The following EDAR variants were observed in gnomAD, a reference collection of about 807,000 sequenced individuals.
EDAR encodes ectodysplasin A receptor.
A neutral mutation model predicts 51.3 loss-of-function variants in EDAR; 38 were observed. The observed-to-expected ratio is 0.74, with a 90% CI of 0.57 to 0.97. The LOEUF (loss-of-function observed/expected upper bound fraction) is 0.97, where lower values mean the gene tolerates loss of function less well. EDAR is among the 50% of genes least tolerant of loss of function. The probability of loss-of-function intolerance (pLI) is 0.00; values close to 1 mark genes in which losing one functional copy is unlikely to be tolerated. For synonymous variants in EDAR, 227 were observed against 242.1 expected, an observed-to-expected ratio of 0.94 and a Z score of 0.58; for missense variants, 528 against 595.0, an observed-to-expected ratio of 0.89 and a Z score of 1.17.
At chr2:108,973,038 C>A (rs1458355893) in intron 1 of EDAR, among the ~76,000 whole-genome samples, 2 of 151,974 alleles carry the variant, frequency 1.3e-5, no homozygotes, top group East Asian at 3.9e-4. Flanking sequence ...CCAGGCTAGA[C>A]TGCAGTGGCG....
chr2:108,933,992 A>G (rs1465121657), intron 1 of EDAR, among the ~76,000 whole-genome samples: 3 of 152,100 alleles, frequency 2.0e-5, no homozygotes, highest in African/African-American at 7.2e-5. Flanking sequence ...AACCATATGA[A>G]TGGTTTCTAA....
chr2:108,928,848 G>C (rs1697307251), intron 4 of EDAR, among the ~76,000 whole-genome samples: 1 of 152,220 alleles, frequency 6.6e-6, no homozygotes. Context: ...TACTAAAAAT[G>C]CTGCTTTTGC....
chr2:108,976,553 C>T (rs1008340902), intron 1 of EDAR, among the ~76,000 whole-genome samples: 3 of 152,190 alleles, frequency 2.0e-5, no homozygotes, highest in African/African-American at 7.2e-5. Context: ...TTAACCTCCT[C>T]AAGGGCACAG....
chr2:108,942,623 G>C (rs1190698072), intron 1 of EDAR, among the ~76,000 whole-genome samples: 1 of 152,254 alleles, frequency 6.6e-6, no homozygotes, highest in Non-Finnish European at 1.5e-5. Context: ...TGAGGCGGGC[G>C]GTTCCGCCAC....
chr2:108,915,883 G>A (rs1697018166), intron 5 of EDAR, among the ~76,000 whole-genome samples: 1 of 151,640 alleles, frequency 6.6e-6, no homozygotes, highest in Non-Finnish European at 1.5e-5. Flanking sequence ...GGCAACAAGA[G>A]CGAAACTCCA....
intron 1 of EDAR, among the ~76,000 whole-genome samples, chr2:108,970,269 A>C (rs1698212427): frequency 1.3e-5 from 2 of 152,176 alleles, no homozygotes; most frequent in South Asian, 4.1e-4. Context: ...GAGTTAAAGA[A>C]GCTTCTTTAC....
intron 5 of EDAR, among the ~76,000 whole-genome samples, chr2:108,918,055 T>A (rs1287699951): frequency 1.3e-5 from 2 of 151,996 alleles, no homozygotes; most frequent in Middle Eastern, 3.2e-3. Flanking sequence ...TGAATGCACG[T>A]GATGTCTAAA....
intron 1 of EDAR, among the ~76,000 whole-genome samples, chr2:108,982,138 C>A (rs1698430782): frequency 1.3e-5 from 2 of 152,238 alleles, no homozygotes; most frequent in South Asian, 4.1e-4. Context: ...GGGGCCAGGT[C>A]TTTTATTTCT....
chr2:108,922,383 T>C (rs1697160201), intron 5 of EDAR, among the ~76,000 whole-genome samples: 1 of 152,356 alleles, frequency 6.6e-6, no homozygotes, highest in Middle Eastern at 3.4e-3. Context: ...AATTAGCATA[T>C]GGCTGGCCAG....
At chr2:108,916,599 G>A (rs971771558) in intron 5 of EDAR, among the ~76,000 whole-genome samples, 1 of 152,154 alleles carries the variant, frequency 6.6e-6, no homozygotes, top group Non-Finnish European at 1.5e-5. Flanking sequence ...CCAACTAAAC[G>A]GTCCCCAACT....
rs1373909990 is a variant in EDAR at position 108,989,122 on chromosome 2, G to T, written c.-181C>A. The T allele has an allele frequency of 6.5e-6, 1 of 152,700 alleles. No individual in the cohort carries two copies. The highest frequency in any genetic ancestry group is 1.5e-5 in the Non-Finnish European group (1 of 68,110). 9.5% of individuals were successfully genotyped at this position (152,700 alleles called of 1,614,324 possible). A position where few individuals can be genotyped will look rare whatever the true frequency, so the allele number is the denominator to read the frequency against. Reference sequence around the variant, plus strand: ...CTTAGGGGCCAGCAGGGCTGCCTGGGACCTGGCACACCTCTCTGACACTAG... The same window carrying T: ...CTTAGGGGCCAGCAGGGCTGCCTGGTACCTGGCACACCTCTCTGACACTAG... On this transcript the variant is annotated 5_prime_UTR_variant, in exon 1 of 12. Coordinates refer to ENST00000258443, the MANE Select transcript of EDAR (RefSeq NM_022336.4).
In EDAR at chr2:108,985,410, G is replaced by A. The variant is rs942126132; in HGVS notation, c.-19+3550C>T. 3.3e-5 allele frequency among the ~76,000 whole-genome samples: 5 copies of A among 152,254 alleles called. No individual in the cohort carries two copies. The East Asian group carries it at 7.7e-4, about 23-fold the overall frequency. Reference sequence around the variant, plus strand: ...ACCGTGAAGTGAGTTAAGCTGGCATGAGCTCGCAGGGTGGTGCAGGCAGGG... The same window carrying A: ...ACCGTGAAGTGAGTTAAGCTGGCATAAGCTCGCAGGGTGGTGCAGGCAGGG... On this transcript the variant is annotated intron_variant, in intron 1 of 11. Transcript: ENST00000258443.
intron 1 of EDAR, among the ~76,000 whole-genome samples, chr2:108,939,693 C>T (rs1325295157): frequency 1.3e-5 from 2 of 152,206 alleles, no homozygotes; most frequent in African/African-American, 4.8e-5. Context: ...GAGTTATTTG[C>T]TTAACTGCAT....
At chr2:108,967,886 G>A (rs1480327445) in intron 1 of EDAR, among the ~76,000 whole-genome samples, 1 of 152,122 alleles carries the variant, frequency 6.6e-6, no homozygotes, top group Non-Finnish European at 1.5e-5. Flanking sequence ...AACAAAAGAT[G>A]GAAAACCCTC....
chr2:108,940,328 TGAAGGG>T (rs1210599819), intron 1 of EDAR: 2 of 152,376 alleles, frequency 1.3e-5, no homozygotes, highest in African/African-American at 4.8e-5. Flanking sequence ...TCGGATGGTC[TGAAGGG>T]GAAGGTGCAG....
In EDAR at chr2:108,910,942, G is replaced by A. The variant is rs191975348; in HGVS notation, c.655+5C>T. ...AGCAGGGCACCGGCGCATGGGGGCC[G>A]TCACCTGGGGCAGAGGGCTTTGTCT... On this transcript the variant is annotated splice_donor_5th_base_variant and intron_variant, in intron 7 of 11. Coordinates refer to ENST00000258443, the MANE Select transcript of EDAR (RefSeq NM_022336.4). 43 of 1,614,140 alleles carry A rather than the reference G, an allele frequency of 2.7e-5. No homozygotes were observed. Among genetic ancestry groups the A allele is most frequent in the African/African-American group, 6.7e-5 (5 of 75,052 alleles).
intron 5 of EDAR, among the ~76,000 whole-genome samples, chr2:108,914,129 G>A (rs543624385): frequency 4.6e-5 from 7 of 151,248 alleles, no homozygotes; most frequent in South Asian, 2.1e-4. Flanking sequence ...GCATGATGGC[G>A]CATGCCTGTA....
chr2:108,984,674 C>T (rs918302906), intron 1 of EDAR, among the ~76,000 whole-genome samples: 1 of 151,906 alleles, frequency 6.6e-6, no homozygotes, highest in African/African-American at 2.4e-5. Context: ...TTTCTACCTG[C>T]CCTGCTAGTT....
chr2:108,930,811 C>T (rs1324674808), intron 2 of EDAR, among the ~76,000 whole-genome samples, 153 bp downstream of exon 2: 1 of 152,220 alleles, frequency 6.6e-6, no homozygotes, highest in African/African-American at 2.4e-5. Context: ...GAGTTCTGTG[C>T]TTTGCAGGCC....
Sources: gnomAD v4.1 joint callset for allele counts (sites outside exome capture counted in the v4.1 genomes callset) on GRCh38, gnomAD v4.1.1 for gene constraint, MANE v1.5 for transcripts, NCBI Gene and HGNC (gene_info 2026-07-23, HGNC 2026-07-21) for gene names.